Variants in PTPN4 observed in about 807,000 individuals in gnomAD.
PTPN4 encodes protein tyrosine phosphatase non-receptor type 4.
Under a neutral mutation model 135.5 loss-of-function variants are expected in PTPN4, and 49 were observed. The ratio of observed to expected loss-of-function variants is 0.36; its 90% CI spans 0.29 to 0.46. The LOEUF (loss-of-function observed/expected upper bound fraction) is 0.46. PTPN4 is among the 20% of genes least tolerant of loss of function. The pLI is 1.00. For synonymous variants in PTPN4, 333 were observed against 369.9 expected (o/e 0.90, Z 1.14); for missense variants, 860 against 1,101.0 (o/e 0.78, Z 3.10).
intron 22 of PTPN4, among the ~76,000 whole-genome samples, chr2:119,958,096 A>G (rs1251395247): frequency 6.6e-6 from 1 of 152,124 alleles, no homozygotes; most frequent in Non-Finnish European, 1.5e-5. Flanking sequence ...TTTAATATAC[A>G]AAGAGCTTCA....
At chr2:119,864,069 G>T (rs1370701557) in intron 3 of PTPN4, among the ~76,000 whole-genome samples, 1 of 152,102 alleles carries the variant, frequency 6.6e-6, no homozygotes, top group Non-Finnish European at 1.5e-5. Flanking sequence ...ACATAAGAAA[G>T]GTTCAAGTTT....
At chr2:119,816,615 G>A (rs1224389655) in intron 2 of PTPN4, among the ~76,000 whole-genome samples, 1 of 152,118 alleles carries the variant, frequency 6.6e-6, no homozygotes, top group Non-Finnish European at 1.5e-5. Context: ...CCATAATGTA[G>A]AGTCAGTGGG....
chr2:119,958,959 C>G (rs1178920229), intron 22 of PTPN4, among the ~76,000 whole-genome samples: 2 of 151,896 alleles, frequency 1.3e-5, no homozygotes, highest in Non-Finnish European at 2.9e-5. Context: ...GTAAAAAAAC[C>G]CAAAAGGTAA....
intron 2 of PTPN4, among the ~76,000 whole-genome samples, chr2:119,824,001 A>G (rs779444281): frequency 9.2e-5 from 14 of 152,202 alleles, no homozygotes; most frequent in Non-Finnish European, 1.3e-4. Flanking sequence ...TTGTCTTTTC[A>G]TATTCATTTA....
rs1261871805 is a variant in PTPN4, at chr2:119,977,005, G to A, written c.2716G>A (p.Glu906Lys). 1 of 1,607,356 alleles carries A rather than the reference G, an allele frequency of 6.2e-7. No individual in the cohort carries two copies. The highest frequency in any genetic ancestry group is 8.5e-7 in the Non-Finnish European group (1 of 1,178,286). ...TCAGAGTCAATACAGATTTGTATGT[G>A]AAGCTATTTTGAAAGTTTATGAAGA... ...QTPSQYRFVC[E>K]AILKVYEEGF... Residue 906 changes from glutamate to lysine, a missense_variant, in exon 27 of 27, where the codon GAA becomes AAA. Glu to Lys is a moderately conservative substitution (Grantham distance 56). Coordinates refer to ENST00000263708, the MANE Select transcript of PTPN4 (RefSeq NM_002830.4).
intron 9 of PTPN4, among the ~76,000 whole-genome samples, chr2:119,895,866 G>T (rs1203522193): frequency 6.6e-6 from 1 of 150,728 alleles, no homozygotes; most frequent in African/African-American, 2.4e-5. Context: ...GCAGTGAGCC[G>T]AGATGGCGCC....
At chr2:119,801,900 G>A (rs1019750299) in intron 1 of PTPN4, among the ~76,000 whole-genome samples, 3 of 98,794 alleles carry the variant, frequency 3.0e-5, no homozygotes, top group East Asian at 2.8e-4. Flanking sequence ...CTTTCTTTCC[G>A]TTTTTTTTTT....
At chr2:119,843,738 C>T (rs1408276794) in intron 2 of PTPN4, among the ~76,000 whole-genome samples, 2 of 49,402 alleles carry the variant, frequency 4.0e-5, no homozygotes, top group African/African-American at 2.0e-4. Flanking sequence ...GGTGGCTGGC[C>T]GGGCGGGGGG....
chr2:119,766,005 T>C (rs1690611654), intron 1 of PTPN4, among the ~76,000 whole-genome samples: 1 of 151,888 alleles, frequency 6.6e-6, no homozygotes, highest in African/African-American at 2.4e-5. Flanking sequence ...GGGCAATGAG[T>C]GGGATCATTT....
chr2:119,850,246 T>C (rs1677571540), intron 2 of PTPN4, among the ~76,000 whole-genome samples: 1 of 152,212 alleles, frequency 6.6e-6, no homozygotes, highest in Admixed American at 6.5e-5. Flanking sequence ...AGTGTTCGGC[T>C]TCTCTTGGAG....
intron 2 of PTPN4, among the ~76,000 whole-genome samples, chr2:119,859,458 CGTT>C (rs1205740006): frequency 6.6e-6 from 1 of 152,178 alleles, no homozygotes; most frequent in Non-Finnish European, 1.5e-5. Flanking sequence ...GTAGTCAGTT[CGTT>C]GTTAAGTGTC....
chr2:119,792,561 C>T (rs1691167925), intron 1 of PTPN4, among the ~76,000 whole-genome samples: 1 of 152,162 alleles, frequency 6.6e-6, no homozygotes, highest in Non-Finnish European at 1.5e-5. Context: ...TTTACCATCA[C>T]TGAAAGAAAT....
At chr2:119,844,845 C>G (rs956127828) in intron 2 of PTPN4, among the ~76,000 whole-genome samples, 5 of 147,016 alleles carry the variant, frequency 3.4e-5, no homozygotes, top group African/African-American at 1.3e-4. Context: ...ACTTCCCAGA[C>G]GGTGTGGCAG....
chr2:119,782,137 C>G (rs1690950855), intron 1 of PTPN4, among the ~76,000 whole-genome samples: 1 of 152,130 alleles, frequency 6.6e-6, no homozygotes, highest in Non-Finnish European at 1.5e-5. Context: ...AAATTCTTGG[C>G]TGGGCGCGGT....
chr2:119,936,427 G>A (rs1678985100), intron 15 of PTPN4, among the ~76,000 whole-genome samples: 1 of 152,172 alleles, frequency 6.6e-6, no homozygotes, highest in African/African-American at 2.4e-5. Context: ...ACCAGGTAAA[G>A]GTAGTTGAAT....
intron 1 of PTPN4, among the ~76,000 whole-genome samples, chr2:119,791,629 C>T (rs1691150597): frequency 6.6e-6 from 1 of 152,182 alleles, no homozygotes; most frequent in Non-Finnish European, 1.5e-5. Context: ...TTCTAACCTT[C>T]ATGTTTCTGG....
intron 10 of PTPN4, among the ~76,000 whole-genome samples, chr2:119,905,649 G>A (rs530723177): frequency 6.6e-6 from 1 of 152,240 alleles, no homozygotes; most frequent in African/African-American, 2.4e-5. Flanking sequence ...TTATCCAACA[G>A]CTGCAGAATA....
chr2:119,882,170 A>G, intron 7 of PTPN4, 21 bp downstream of exon 7: 1 of 1,581,938 alleles, frequency 6.3e-7, no homozygotes, highest in Non-Finnish European at 8.7e-7. Context: ...GCCCATTTTT[A>G]GGTCAAATAG....
intron 1 of PTPN4, among the ~76,000 whole-genome samples, chr2:119,767,575 T>G (rs1690651568): frequency 6.6e-6 from 1 of 152,246 alleles, no homozygotes; most frequent in South Asian, 2.1e-4. Flanking sequence ...GTTCACACAT[T>G]GCATTTAATT....
Sources: gnomAD v4.1 joint callset for allele counts (sites outside exome capture counted in the v4.1 genomes callset) on GRCh38, gnomAD v4.1.1 for gene constraint, MANE v1.5 for transcripts, NCBI Gene and HGNC (gene_info 2026-07-23, HGNC 2026-07-21) for gene names.